Variants in TMEM132D observed in about 807,000 individuals in gnomAD.
The protein encoded by TMEM132D is mature OL transmembrane protein.
A neutral mutation model predicts 62.3 loss-of-function variants in TMEM132D; 21 were observed. The ratio of observed to expected loss-of-function variants is 0.34; its 90% CI spans 0.24 to 0.49. The LOEUF (loss-of-function observed/expected upper bound fraction) is 0.49. Ranked by LOEUF, TMEM132D falls within the 20% of genes least tolerant of loss-of-function variation. The pLI, the probability that TMEM132D is intolerant of heterozygous loss-of-function variation, is 0.99. For synonymous variants in TMEM132D, 621 were observed against 575.6 expected, an observed-to-expected ratio of 1.08 and a Z score of -1.13; for missense variants, 1,346 against 1,402.8, an observed-to-expected ratio of 0.96 and a Z score of 0.65.
At chr12:129,810,521 T>C (rs1330054406) in intron 1 of TMEM132D, among the ~76,000 whole-genome samples, 1 of 149,750 alleles carries the variant, frequency 6.7e-6, no homozygotes, top group Non-Finnish European at 1.5e-5. Flanking sequence ...GCATATAAAT[T>C]AATTCACATA....
intron 2 of TMEM132D, among the ~76,000 whole-genome samples, chr12:129,586,252 A>G (rs1278960558): frequency 1.3e-5 from 2 of 150,248 alleles, no homozygotes; most frequent in Non-Finnish European, 2.9e-5. Flanking sequence ...CTTAGACCTT[A>G]TAGTCACGAC....
At chr12:129,675,182 C>T (rs1302210756) in intron 2 of TMEM132D, among the ~76,000 whole-genome samples, 1 of 152,106 alleles carries the variant, frequency 6.6e-6, no homozygotes, top group Non-Finnish European at 1.5e-5. Context: ...TTATTGTATA[C>T]ATTACTGCAG....
chr12:129,770,916 G>A (rs578069210), intron 1 of TMEM132D, among the ~76,000 whole-genome samples: 11 of 152,324 alleles, frequency 7.2e-5, no homozygotes, highest in African/African-American at 1.2e-4. Flanking sequence ...TCAAACCATC[G>A]TAAGCCGAGG....
intron 4 of TMEM132D, among the ~76,000 whole-genome samples, chr12:129,214,066 C>T (rs2135569694): frequency 6.6e-6 from 1 of 152,334 alleles, no homozygotes; most frequent in South Asian, 2.1e-4. Context: ...ACTTCCAGCC[C>T]ACTGCATGTG....
chr12:129,470,386 G>A (rs1874058240), intron 3 of TMEM132D, among the ~76,000 whole-genome samples: 1 of 152,172 alleles, frequency 6.6e-6, no homozygotes, highest in Non-Finnish European at 1.5e-5. Flanking sequence ...AACACGTGTA[G>A]TGTAGTTTAT....
Position 129,082,845 on chromosome 12 carries a change from C to T in TMEM132D, c.1650-813G>A, listed in dbSNP as rs79201857. Among the ~76,000 whole-genome samples, 1,476 of 152,276 alleles carry T rather than the reference C, an allele frequency of 9.7e-3. 30 individuals are homozygous for T. The highest frequency in any genetic ancestry group is 0.034 in the African/African-American group (1,401 of 41,558). ...GCTGGACTCAAGCAATCCTTCCACT[C>T]CAGCCTCCTGAATAGCTTGGACTAC... On this transcript the variant is annotated intron_variant, in intron 6 of 8. Transcript: ENST00000422113.
chr12:129,903,436 G>T lies in TMEM132D; in HGVS notation c.-97C>A. 2 of 1,320,940 alleles carry T rather than the reference G, an allele frequency of 1.5e-6. No individual in the cohort carries two copies. Among genetic ancestry groups the T allele is most frequent in the South Asian group, 1.3e-5 (1 of 77,550 alleles). The allele number at this position is 1,320,940 out of a possible 1,614,324, so 81.8% of individuals were successfully genotyped here. A position where few individuals can be genotyped will look rare whatever the true frequency, so the allele number is the denominator to read the frequency against. On this transcript the variant is annotated 5_prime_UTR_variant, in exon 1 of 9. Transcript: ENST00000422113. This position sits in a 1 kb window ranked among gnomAD's most constrained non-coding sequence, Gnocchi z 6.2. The stretch of plus-strand genomic sequence containing the variant: ...CTAGAGGCCCGCAGCGGGGCCGGTG[G>T]CGAGGGAGCGCCCGGCTAGGGGCCC...
chr12:129,086,192 A>G (rs954759693), intron 5 of TMEM132D, among the ~76,000 whole-genome samples: 2 of 130,184 alleles, frequency 1.5e-5, no homozygotes, highest in African/African-American at 6.6e-5. Flanking sequence ...TCACATAGTC[A>G]CGCGCGCGCG....
intron 4 of TMEM132D, among the ~76,000 whole-genome samples, chr12:129,295,840 T>A (rs1881560846): frequency 6.6e-6 from 1 of 152,232 alleles, no homozygotes; most frequent in Admixed American, 6.5e-5. Context: ...AAATGCTATA[T>A]CAATACTTGT....
chr12:129,313,548 T>C (rs993001816), intron 4 of TMEM132D, among the ~76,000 whole-genome samples: 4 of 130,478 alleles, frequency 3.1e-5, no homozygotes, highest in African/African-American at 1.1e-4. Flanking sequence ...GTATATGATA[T>C]ATATATATGT....
intron 4 of TMEM132D, among the ~76,000 whole-genome samples, chr12:129,293,075 G>A (rs35865515): frequency 0.039 from 5,917 of 152,264 alleles, 160 homozygotes; most frequent in South Asian, 0.069. Flanking sequence ...TATCCAGAGA[G>A]AGAAATTGAC....
At chr12:129,534,932 T>C (rs1272539704) in intron 2 of TMEM132D, among the ~76,000 whole-genome samples, 1 of 140,422 alleles carries the variant, frequency 7.1e-6, no homozygotes, top group East Asian at 1.9e-4. Flanking sequence ...CATCCTCCCA[T>C]CCAGTCCCTT....
chr12:129,420,119 C>T (rs1394715391), intron 3 of TMEM132D, among the ~76,000 whole-genome samples: 1 of 152,040 alleles, frequency 6.6e-6, no homozygotes, highest in Non-Finnish European at 1.5e-5. Context: ...GAGCCCACAC[C>T]AGCTCAGAGG....
Position 129,783,914 on chromosome 12 carries a change from C to T in TMEM132D, c.80-83216G>A, listed in dbSNP as rs551545352. Among the ~76,000 whole-genome samples the T allele has an allele frequency of 2.1e-3, 324 of 152,328 alleles. 8 individuals carry two copies. In the South Asian group the frequency reaches 0.06, roughly 28 times the overall value. Reference sequence around the variant, plus strand: ...TCTGAGCAAGCCACACCATTCTAAACGATCATCACATCTTTGAGTAATTTG... The same window carrying T: ...TCTGAGCAAGCCACACCATTCTAAATGATCATCACATCTTTGAGTAATTTG... On this transcript the variant is annotated intron_variant, in intron 1 of 8. Transcript: ENST00000422113.
chr12:129,656,068 T>C (rs557816915), intron 2 of TMEM132D, among the ~76,000 whole-genome samples: 1 of 152,298 alleles, frequency 6.6e-6, no homozygotes, highest in East Asian at 1.9e-4. Flanking sequence ...CATTCTATAA[T>C]TAGAGTGCAA....
At chr12:129,429,720 G>A (rs1176980213) in intron 3 of TMEM132D, among the ~76,000 whole-genome samples, 3 of 148,604 alleles carry the variant, frequency 2.0e-5, no homozygotes, top group African/African-American at 7.4e-5. Context: ...ATCTCCTAAT[G>A]CTATCCCTCC....
At position 129,525,226 on chromosome 12, in the gene TMEM132D, GTTTTTTTT is replaced by G. The variant is rs765569025; in HGVS notation, c.1115+5825_1115+5832del. On this transcript the variant is annotated intron_variant, in intron 3 of 8. Transcript: ENST00000422113. ...GGGTATGAGCCACGGTGCCCAGCCG[GTTTTTTTT>G]TTTTTTTTTTTTTTTTTTTTTGCTA... Among the ~76,000 whole-genome samples the G allele has an allele frequency of 6.0e-3, 403 of 67,396 alleles. 4 individuals are homozygous for G. The highest frequency in any genetic ancestry group is 9.9e-3 in the Non-Finnish European group (343 of 34,748). 44.2% of individuals were successfully genotyped at this position (67,396 alleles called of 152,430 possible).
intron 1 of TMEM132D, among the ~76,000 whole-genome samples, chr12:129,872,345 A>ACAGCAT (rs1359996019): frequency 6.6e-6 from 1 of 152,166 alleles, no homozygotes; most frequent in East Asian, 1.9e-4. Flanking sequence ...GGAGACACTG[A>ACAGCAT]CAGCATCGTG....
chr12:129,381,603 T>C lies in TMEM132D; in HGVS notation c.1116-43786A>G, dbSNP rs192005375. ...GATTTTCCCCAACATTCTGTGGCTTTGAAGTGGAAAGCCAGGATTAGATTC... is the reference window on the plus strand; with the variant it reads ...GATTTTCCCCAACATTCTGTGGCTTCGAAGTGGAAAGCCAGGATTAGATTC... On this transcript the variant is annotated intron_variant, in intron 3 of 8. Coordinates refer to ENST00000422113, the MANE Select transcript of TMEM132D (RefSeq NM_133448.3). Among the ~76,000 whole-genome samples, 1,222 of 152,346 alleles carry C rather than the reference T, an allele frequency of 8.0e-3. 8 individuals carry two copies. Among genetic ancestry groups the C allele is most frequent in the Non-Finnish European group, 0.011 (734 of 68,040 alleles).
Sources: allele counts gnomAD v4.1 joint callset (sites outside exome capture counted in the v4.1 genomes callset), GRCh38; gene constraint gnomAD v4.1.1; non-coding constraint Gnocchi (gnomAD v3.1); transcripts MANE v1.5; gene names NCBI Gene and HGNC (gene_info 2026-07-23, HGNC 2026-07-21).